The following CDHR4 variants were observed in gnomAD, a reference collection of about 807,000 sequenced individuals.
The protein encoded by CDHR4 is cadherin related family member 4.
In CDHR4, 89 loss-of-function variants were observed where a neutral mutation model predicts 88.4. The observed-to-expected ratio is 1.01, with a 90% CI of 0.85 to 1.20. The LOEUF (loss-of-function observed/expected upper bound fraction) is 1.20, where lower values mean the gene tolerates loss of function less well. Among genes scored for constraint, CDHR4 ranks in the 50% most tolerant of loss-of-function variants. CDHR4 has a pLI of 0.00. For missense variants in CDHR4, 914 were observed against 1,007.2 expected (o/e 0.91, Z 1.25); for synonymous variants, 368 against 399.2 (o/e 0.92, Z 0.93).
chr3:49,796,125 T>C (rs757516416), intron 5 of CDHR4, 79 bp from the exon 6 acceptor site: 282 of 981,310 alleles, frequency 2.9e-4, no homozygotes, highest in Non-Finnish European at 3.9e-4. Context: ...TCCCCTTAAA[T>C]AGGCAACCTC....
In CDHR4 at chr3:49,796,937, T is replaced by G; in HGVS notation, c.591A>C (p.Leu197=). 1 of 1,551,516 alleles carries G rather than the reference T, an allele frequency of 6.4e-7. No homozygotes were observed. Among genetic ancestry groups the G allele is most frequent in the Non-Finnish European group, 8.7e-7 (1 of 1,146,878 alleles). The stretch of plus-strand genomic sequence containing the variant: ...TCATGCTCACCTTTTGAGCCTGGCC[T>G]AGGAGGCCCTGGGATGGTGCCTGCA... ...GWLQAPSQGL[L]GQAQKVFQLQ... is the part of the protein sequence containing the mutation. Residue 197 remains leucine, a synonymous_variant, in exon 5 of 19, where the codon CTA becomes CTC. Coordinates refer to ENST00000412678, the MANE Select transcript of CDHR4 (RefSeq NM_001007540.4).
rs1559423925 is a variant in CDHR4, at chr3:49,798,833, C to G, written c.488G>C (p.Gly163Ala). The change falls in exon 4 of 19, where the codon GGA becomes GCA. Residue 163 changes from glycine (G) to alanine (A), a missense_variant. Transcript: ENST00000412678. ...CCCATGTTCTGGGCTTACCTGCGCT[C>G]CGTGGAGTTCTAGGCCTGGGAGGAG... Reference protein sequence around the residue: ...TLLLPGLELHGAQMSIISAQD... With the variant: ...TLLLPGLELHAAQMSIISAQD... 6.2e-7 allele frequency: 1 copy of G among 1,613,812 alleles called. No individual in the cohort carries two copies.
At chr3:49,791,503 T>C in intron 17 of CDHR4, 35 bp from the exon 18 acceptor site, 1 of 1,539,752 alleles carries the variant, frequency 6.5e-7, no homozygotes, top group South Asian at 1.2e-5. Context: ...TGCAATGAAT[T>C]GAACCCTGCC....
rs973790676 is a variant in CDHR4 at position 49,791,920 on chromosome 3, C to G, written c.2178G>C (p.Gln726His). The G allele has an allele frequency of 3.9e-6, 6 of 1,551,622 alleles. No individual in the cohort carries two copies. Among genetic ancestry groups the G allele is most frequent in the Non-Finnish European group, 4.4e-6 (5 of 1,146,994 alleles). The change falls in exon 16 of 19, where the codon CAG becomes CAC. Residue 726 changes from glutamine to histidine, a missense_variant. By Grantham distance (24) the Gln-to-His change is conservative. Transcript: ENST00000412678. ...QLLQAPSKPA[Q>H]ALLLNSIQGT... ...AGACTGACCTGTTTAGCAGCAAAGC[C>G]TGGGCTGGTTTGCTGGGTGCTTGCA... is the stretch of plus-strand genomic sequence containing the variant.
In CDHR4 at chr3:49,793,707, AG is replaced by A. The variant is rs768204693; in HGVS notation, c.1498del (p.Leu500TrpfsTer18). 100 of 1,551,630 alleles carry A rather than the reference AG, an allele frequency of 6.4e-5. No individual in the cohort carries two copies. In the African/African-American group the frequency reaches 1.3e-3, roughly 20 times the overall value. ...VDRLSGEVHLLGPLDYEQQRL... is the reference protein window; with the variant it reads ...VDRLSGEVHLXGPLDYEQQRL... ...CTGCTGCTCATAGTCCAAAGGTCCC[AG>A]GAGGTGAACTTCCCCTAGAGGGGGA... is the stretch of plus-strand genomic sequence containing the variant. On this transcript the variant is annotated frameshift_variant, in exon 12 of 19. Coordinates refer to ENST00000412678, the MANE Select transcript of CDHR4 (RefSeq NM_001007540.4). LOFTEE classifies it high-confidence loss of function.
At chr3:49,793,103 C>T (rs776000962) in intron 13 of CDHR4, 29 bp from the exon 14 acceptor site, 2 of 1,550,992 alleles carry the variant, frequency 1.3e-6, no homozygotes, top group East Asian at 2.4e-5. Flanking sequence ...GAGGAAGAGA[C>T]CATTGCTGGC....
In CDHR4 at chr3:49,793,856, A is replaced by T. The variant is rs865836820; in HGVS notation, c.1430T>A (p.Ile477Asn). The T allele has an allele frequency of 1.3e-6, 2 of 1,551,750 alleles. No individual in the cohort carries two copies. Among genetic ancestry groups the T allele is most frequent in the Non-Finnish European group, 1.7e-6 (2 of 1,146,990 alleles). Residue 477 changes from isoleucine (I) to asparagine (N), a missense_variant, in exon 11 of 19, where the codon ATT becomes AAT. Transcript: ENST00000412678. ...GTDMDYPHDN[I>N]EYYTSGGPTT... ...AGGACCACCAGAGGTGTAGTACTCA[A>T]TGTTGTCATGAGGGTAATCCATATC...
In CDHR4 at chr3:49,793,015, A is replaced by T; in HGVS notation, c.1834T>A (p.Leu612Met). 1 of 1,551,654 alleles carries T rather than the reference A, an allele frequency of 6.4e-7. No individual in the cohort carries two copies. Among genetic ancestry groups the T allele is most frequent in the Non-Finnish European group, 8.7e-7 (1 of 1,146,996 alleles). The change falls in exon 14 of 19, where the codon TTG becomes ATG. Residue 612 changes from leucine to methionine, a missense_variant. Physicochemically the swap from Leu to Met is conservative, Grantham distance 15. Coordinates refer to ENST00000412678, the MANE Select transcript of CDHR4 (RefSeq NM_001007540.4). ...GGCTGCTCTGGCCAGAACGGCCCCA[A>T]CACAAGGTCACTGTGCACCAGGATG... ...GAILVHSDLV[L>M]GPFWPEQPRT...
chr3:49,800,681 C>T (rs1361004218), upstream of CDHR4, among the ~76,000 whole-genome samples: 4 of 152,064 alleles, frequency 2.6e-5, no homozygotes, highest in Non-Finnish European at 4.4e-5. Flanking sequence ...TGGGTGGCAG[C>T]TGCACAAGTG....
intron 10 of CDHR4, among the ~76,000 whole-genome samples, chr3:49,794,215 A>G (rs2081230302): frequency 1.3e-5 from 2 of 152,176 alleles, no homozygotes; most frequent in South Asian, 2.1e-4. Flanking sequence ...TGGCTAACAC[A>G]GTGAAACCCC....
rs759585550 is a variant in CDHR4 at position 49,793,732 on chromosome 3, G to A, written c.1484-10C>T. The A allele has an allele frequency of 1.9e-6, 3 of 1,551,688 alleles. No individual in the cohort carries two copies. The highest frequency in any genetic ancestry group is 1.2e-5 in the South Asian group (1 of 84,062). ...AGGAGGTGAACTTCCCCTAGAGGGG[G>A]AGACCACAGCTTCAGCCTGCAGGGC... On this transcript the variant is annotated splice_polypyrimidine_tract_variant and intron_variant, in intron 11 of 18. Coordinates refer to ENST00000412678, the MANE Select transcript of CDHR4 (RefSeq NM_001007540.4).
chr3:49,791,540 C>T, intron 17 of CDHR4, 72 bp from the exon 18 acceptor site: 1 of 1,525,474 alleles, frequency 6.6e-7, no homozygotes, highest in Non-Finnish European at 8.8e-7. Context: ...AAGGCCTGCC[C>T]CTAGGGGGCC....
At chr3:49,800,056 G>C (rs2081340314), upstream of CDHR4, among the ~76,000 whole-genome samples, 1 of 152,134 alleles carries the variant, frequency 6.6e-6, no homozygotes, top group Non-Finnish European at 1.5e-5. Context: ...TGGAAGGGGA[G>C]GAGGATTAAG....
intron 1 of CDHR4, 41 bp downstream of exon 1, chr3:49,799,722 TC>T (rs2081334806): frequency 3.7e-6 from 6 of 1,607,106 alleles, no homozygotes; most frequent in Non-Finnish European, 5.1e-6. Flanking sequence ...GGGTCAGGAC[TC>T]CAAGGGAAAA....
In CDHR4 at chr3:49,799,066, C is replaced by G; in HGVS notation, c.331G>C (p.Glu111Gln). The change falls in exon 3 of 19, where the codon GAG (glutamate) becomes CAG (glutamine). Residue 111 changes from glutamate (E) to glutamine (Q), a missense_variant. Transcript: ENST00000412678. ...LKFTCGNHVM[E>Q]GSLSVDVQRD... ...TGCACATCCACAGAGAGTGAGCCCTCCATCACATGGTTGCCACATGTGAAC... is the reference window on the plus strand; with the variant it reads ...TGCACATCCACAGAGAGTGAGCCCTGCATCACATGGTTGCCACATGTGAAC... 1 of 1,587,892 alleles carries G rather than the reference C, an allele frequency of 6.3e-7. No homozygotes were observed. Among genetic ancestry groups the G allele is most frequent in the Non-Finnish European group, 8.6e-7 (1 of 1,167,106 alleles).
Position 49,799,016 on chromosome 3 carries a change from A to G in CDHR4, c.381T>C (p.Cys127=). Residue 127 remains cysteine, a synonymous_variant, in exon 3 of 19, where the codon TGT becomes TGC. Coordinates refer to ENST00000412678, the MANE Select transcript of CDHR4 (RefSeq NM_001007540.4). The part of the protein sequence containing the change: ...DVQRDLSHIQ[C]AGQFASPAGE... ...CACCTGGGCTGGCAAATTGACCAGC[A>G]CACTGGATATGGCTAAGGTCCCGCT... 1 of 1,608,114 alleles carries G rather than the reference A, an allele frequency of 6.2e-7. No individual in the cohort carries two copies. Among genetic ancestry groups the G allele is most frequent in the South Asian group, 1.1e-5 (1 of 89,868 alleles).
At chr3:49,802,147 T>C (rs2081370441), upstream of CDHR4, among the ~76,000 whole-genome samples, 1 of 151,798 alleles carries the variant, frequency 6.6e-6, no homozygotes, top group East Asian at 1.9e-4. Context: ...CTTCTCCTTC[T>C]TCTCCTTCTC....
chr3:49,802,798 A>G (rs529078406), upstream of CDHR4, among the ~76,000 whole-genome samples: 5 of 152,300 alleles, frequency 3.3e-5, no homozygotes, highest in East Asian at 5.8e-4. Flanking sequence ...GCGCTGCCAC[A>G]AAGTCCCGCC....
chr3:49,801,669 G>C (rs1181497691), upstream of CDHR4, among the ~76,000 whole-genome samples: 2 of 152,204 alleles, frequency 1.3e-5, no homozygotes, highest in Admixed American at 6.5e-5. Context: ...CCAACCAGCT[G>C]TTAATGCCAG....
Sources: allele counts gnomAD v4.1 joint callset (sites outside exome capture counted in the v4.1 genomes callset), GRCh38; gene constraint gnomAD v4.1.1; transcripts MANE v1.5; gene names NCBI Gene and HGNC (gene_info 2026-07-23, HGNC 2026-07-21).